SH3D19: variants seen among roughly 807,000 people sequenced by gnomAD.
The protein encoded by SH3D19 is SH3 domain containing 19, also known as SH3 domain-containing protein 19.
A neutral mutation model predicts 112.1 loss-of-function variants in SH3D19; 58 were observed. That is an observed-to-expected ratio of 0.52 (90% CI 0.42 to 0.64). The LOEUF (loss-of-function observed/expected upper bound fraction) is 0.64, where lower values mean the gene tolerates loss of function less well. SH3D19 is among the 30% of genes least tolerant of loss of function. SH3D19 has a pLI of 0.00. For missense variants in SH3D19, 1,090 were observed against 1,263.4 expected, an observed-to-expected ratio of 0.86 and a Z score of 2.08; for synonymous variants, 391 against 448.5, an observed-to-expected ratio of 0.87 and a Z score of 1.62.
chr4:151,179,560 T>C (rs1201031959), intron 3 of SH3D19, among the ~76,000 whole-genome samples, 163 bp from the exon 4 acceptor site: 2 of 152,210 alleles, frequency 1.3e-5, no homozygotes, highest in Non-Finnish European at 2.9e-5. Flanking sequence ...AATCATTTTA[T>C]TAGCATAAAG....
chr4:151,214,089 C>G (rs1766473280), intron 2 of SH3D19, among the ~76,000 whole-genome samples: 1 of 149,684 alleles, frequency 6.7e-6, no homozygotes, highest in South Asian at 2.1e-4. Flanking sequence ...ATGCTGCCTT[C>G]AAGCATCTGT....
intron 3 of SH3D19, among the ~76,000 whole-genome samples, chr4:151,186,212 A>G (rs1761752096): frequency 6.6e-6 from 1 of 152,210 alleles, no homozygotes; most frequent in South Asian, 2.1e-4. Flanking sequence ...TTTTATTTAA[A>G]AAAGTGTTAA....
At position 151,159,267 on chromosome 4, in the gene SH3D19, G is replaced by A. The variant is rs763690063; in HGVS notation, c.1728C>T (p.Leu576=). The A allele has an allele frequency of 6.4e-7, 1 of 1,553,262 alleles. No homozygotes were observed. The highest frequency in any genetic ancestry group is 2.2e-5 in the Admixed American group (1 of 45,884). ...AGTTTCTAGTTCTCTCAACATTACT[G>A]AGCTTTCCAGATACTGTACTGAAAG... ...GNTFSTVSGK[L]SNVERTRNLE... The change falls in exon 9 of 20, where the codon CTC becomes CTT. Residue 576 remains leucine, a synonymous_variant. Transcript: ENST00000604030.
intron 2 of SH3D19, among the ~76,000 whole-genome samples, chr4:151,215,894 C>T (rs575167901): frequency 4.1e-4 from 62 of 151,824 alleles, no homozygotes; most frequent in Non-Finnish European, 6.2e-4. Flanking sequence ...GGCGTACTCT[C>T]GGCTCACTGC....
chr4:151,172,640 G>A (rs1344420909), intron 7 of SH3D19, among the ~76,000 whole-genome samples: 1 of 152,222 alleles, frequency 6.6e-6, no homozygotes, highest in Admixed American at 6.5e-5. Flanking sequence ...TACCCTAGGT[G>A]AGGAGTAGTA....
chr4:151,225,208 A>G (rs944612910), intron 2 of SH3D19, among the ~76,000 whole-genome samples: 1 of 152,242 alleles, frequency 6.6e-6, no homozygotes, highest in African/African-American at 2.4e-5. Flanking sequence ...AGAGCAGTCA[A>G]TCCAATGAGT....
At chr4:151,180,795 G>A (rs1434169150) in intron 3 of SH3D19, among the ~76,000 whole-genome samples, 3 of 149,304 alleles carry the variant, frequency 2.0e-5, no homozygotes, top group East Asian at 3.9e-4. Flanking sequence ...ATGGGGTCTC[G>A]CTCTGTCGCC....
intron 1 of SH3D19, chr4:151,227,948 C>A (rs1267565707): frequency 2.0e-6 from 2 of 985,278 alleles, no homozygotes; most frequent in Non-Finnish European, 2.4e-6. Context: ...CCAAGGGCTT[C>A]CCTCCAGGGC....
chr4:151,124,793 T>C (rs1748825225), intron 19 of SH3D19, among the ~76,000 whole-genome samples: 1 of 152,230 alleles, frequency 6.6e-6, no homozygotes, highest in Non-Finnish European at 1.5e-5. Context: ...CAGTGCAGAA[T>C]CCCTTAACAA....
At chr4:151,313,022 G>C (rs1186346149) in intron 1 of SH3D19, among the ~76,000 whole-genome samples, 2 of 150,870 alleles carry the variant, frequency 1.3e-5, no homozygotes, top group African/African-American at 4.9e-5. Context: ...CTGGGAGGGG[G>C]AGGTTGCACT....
intron 14 of SH3D19, 98 bp downstream of exon 14, chr4:151,137,634 G>A: frequency 3.2e-6 from 3 of 938,576 alleles, no homozygotes; most frequent in Non-Finnish European, 4.5e-6. Flanking sequence ...CAATGAAAGA[G>A]AACTAGAATC....
chr4:151,183,681 C>G (rs991837067), intron 3 of SH3D19, among the ~76,000 whole-genome samples: 12 of 151,982 alleles, frequency 7.9e-5, no homozygotes, highest in African/African-American at 2.9e-4. Flanking sequence ...TTATAAATAC[C>G]CTTGCTATAG....
chr4:151,269,514 G>C (rs1773077976), intron 1 of SH3D19, among the ~76,000 whole-genome samples: 1 of 152,074 alleles, frequency 6.6e-6, no homozygotes, highest in East Asian at 1.9e-4. Context: ...TGAAGTCCTT[G>C]CCCATGCCTA....
intron 1 of SH3D19, among the ~76,000 whole-genome samples, chr4:151,309,511 G>A (rs994269619): frequency 1.3e-5 from 2 of 152,132 alleles, no homozygotes; most frequent in African/African-American, 4.8e-5. Context: ...TTAGGAACTC[G>A]TATTAATAGC....
intron 1 of SH3D19, among the ~76,000 whole-genome samples, chr4:151,307,302 G>A (rs1367361156): frequency 2.0e-5 from 3 of 152,182 alleles, no homozygotes; most frequent in Admixed American, 1.3e-4. Flanking sequence ...GATTACAGGC[G>A]TGAGCCACTG....
rs67090009 is a variant in SH3D19, at chr4:151,180,929, AT to A, written c.194-1533del. On this transcript the variant is annotated intron_variant, in intron 3 of 19. Coordinates refer to ENST00000604030, the MANE Select transcript of SH3D19 (RefSeq NM_001378122.1). ...CAGGTGCCTGCCACCATGCCCGGCT[AT>A]TTTTTTTTTTTTTTTTGTATTTTTA... Among the ~76,000 whole-genome samples, 670 of 132,008 alleles carry A rather than the reference AT, an allele frequency of 5.1e-3. 6 individuals are homozygous for A. Among genetic ancestry groups the A allele is most frequent in the African/African-American group, 0.018 (615 of 33,284 alleles). The allele number at this position is 132,008 out of a possible 152,430, so 86.6% of individuals were successfully genotyped here. A position where few individuals can be genotyped will look rare whatever the true frequency, so the allele number is the denominator to read the frequency against.
chr4:151,297,037 T>C (rs893319343), intron 1 of SH3D19, among the ~76,000 whole-genome samples: 8 of 152,248 alleles, frequency 5.3e-5, no homozygotes, highest in African/African-American at 1.4e-4. Context: ...CAACTGTGTA[T>C]AGTCTATCCA....
intron 1 of SH3D19, among the ~76,000 whole-genome samples, chr4:151,269,474 T>C (rs1019358917): frequency 6.6e-6 from 1 of 152,236 alleles, no homozygotes; most frequent in African/African-American, 2.4e-5. Flanking sequence ...ATTTTGGCTT[T>C]TGTTGCCATT....
At chr4:151,324,065 T>C (rs1730806403) in intron 1 of SH3D19, among the ~76,000 whole-genome samples, 1 of 152,230 alleles carries the variant, frequency 6.6e-6, no homozygotes, top group Non-Finnish European at 1.5e-5. Context: ...ACCAATTATG[T>C]TCAAAACTGG....
Sources: allele counts gnomAD v4.1 joint callset (sites outside exome capture counted in the v4.1 genomes callset), GRCh38; gene constraint gnomAD v4.1.1; transcripts MANE v1.5; gene names NCBI Gene and HGNC (gene_info 2026-07-23, HGNC 2026-07-21).